COL4A2: variants seen among roughly 807,000 people sequenced by gnomAD.
COL4A2 encodes collagen type IV alpha 2 chain, also known as collagen alpha-2(IV) chain.
In COL4A2, 99 loss-of-function variants were observed where a neutral mutation model predicts 200.2. The ratio of observed to expected loss-of-function variants is 0.49; its 90% CI spans 0.42 to 0.58. The LOEUF (loss-of-function observed/expected upper bound fraction) is 0.58, where lower values mean the gene tolerates loss of function less well. COL4A2 is among the 20% of genes least tolerant of loss of function. COL4A2 has a pLI of 0.00. For synonymous variants in COL4A2, 897 were observed against 900.6 expected (o/e 1.00, Z 0.07); for missense variants, 1,950 against 2,314.1 (o/e 0.84, Z 3.23).
intron 3 of COL4A2, among the ~76,000 whole-genome samples, chr13:110,353,981 A>C (rs1877077932): frequency 6.6e-6 from 1 of 152,234 alleles, no homozygotes; most frequent in African/African-American, 2.4e-5. Flanking sequence ...TGCATCATTC[A>C]TTTTTGAGTG....
At position 110,465,482 on chromosome 13, in the gene COL4A2, G is replaced by T. The variant is rs1163375156; in HGVS notation, c.1854G>T (p.Met618Ile). 2 of 1,614,028 alleles carry T rather than the reference G, an allele frequency of 1.2e-6. No homozygotes were observed. Among genetic ancestry groups the T allele is most frequent in the Admixed American group, 3.3e-5 (2 of 60,018 alleles). The change falls in exon 25 of 48, where the codon ATG becomes ATT. Residue 618 changes from methionine to isoleucine, a missense_variant. Physicochemically the swap from Met to Ile is conservative, Grantham distance 10. This residue lies in a region of COL4A2 where 1,385 missense variants were observed against 1,720.5 expected (regional missense o/e 0.80). Coordinates refer to ENST00000360467, the MANE Select transcript of COL4A2 (RefSeq NM_001846.4). Reference sequence around the variant, plus strand: ...GAACGAAGGGTACTCCAGGAGAAATGGGCCCCCCAGGACTGGGCCTTCCCG... The same window carrying T: ...GAACGAAGGGTACTCCAGGAGAAATTGGCCCCCCAGGACTGGGCCTTCCCG... ...IPGTKGTPGEMGPPGLGLPGL... is the reference protein window; with the variant it reads ...IPGTKGTPGEIGPPGLGLPGL...
At chr13:110,431,067 C>G (rs1459729339) in intron 10 of COL4A2, among the ~76,000 whole-genome samples, 1 of 152,204 alleles carries the variant, frequency 6.6e-6, no homozygotes, top group Non-Finnish European at 1.5e-5. Context: ...CTAGAGGGCT[C>G]ATTGCAAGTA....
At chr13:110,471,724 C>T (rs1390546223) in intron 28 of COL4A2, among the ~76,000 whole-genome samples, 1 of 152,222 alleles carries the variant, frequency 6.6e-6, no homozygotes, top group African/African-American at 2.4e-5. Flanking sequence ...GCTTTACCGG[C>T]CCAGGAGGTC....
chr13:110,330,044 T>C (rs188977870), intron 3 of COL4A2, among the ~76,000 whole-genome samples: 1 of 152,340 alleles, frequency 6.6e-6, no homozygotes, highest in African/African-American at 2.4e-5. Context: ...TTTTGGTAAA[T>C]ACAAATTACT....
intron 20 of COL4A2, among the ~76,000 whole-genome samples, chr13:110,455,018 G>A (rs1371836609): frequency 6.6e-6 from 1 of 152,054 alleles, no homozygotes; most frequent in African/African-American, 2.4e-5. Context: ...CACCCATTCT[G>A]TACTGGCTCC....
intron 46 of COL4A2, 23 bp downstream of exon 46, chr13:110,506,629 C>T: frequency 1.3e-6 from 2 of 1,582,120 alleles, no homozygotes; most frequent in Non-Finnish European, 1.7e-6. Context: ...CACCCGGCCC[C>T]CGTTGCCTGC....
intron 20 of COL4A2, among the ~76,000 whole-genome samples, chr13:110,451,576 G>T (rs1218596369): frequency 6.6e-6 from 1 of 152,154 alleles, no homozygotes; most frequent in African/African-American, 2.4e-5. Flanking sequence ...GAGGGGAAAA[G>T]CCCCTTATAA....
intron 4 of COL4A2, among the ~76,000 whole-genome samples, chr13:110,369,442 CCAA>C (rs1877905892): frequency 6.6e-6 from 1 of 152,014 alleles, no homozygotes; most frequent in South Asian, 2.1e-4. Flanking sequence ...CAAAAAACTC[CCAA>C]ATCCAAAACA....
chr13:110,456,560 ACT>A (rs1440544034), intron 20 of COL4A2: 3 of 353,460 alleles, frequency 8.5e-6, no homozygotes, highest in Non-Finnish European at 1.7e-5. Flanking sequence ...AAATTTGCAG[ACT>A]CTTATATTTC....
rs547487656 is a variant in COL4A2 at position 110,390,585 on chromosome 13, G to A, written c.180+33033G>A. On this transcript the variant is annotated intron_variant, in intron 4 of 47. Coordinates refer to ENST00000360467, the MANE Select transcript of COL4A2 (RefSeq NM_001846.4). ...CCATGTTTTAAAACTTGTGTATTGG[G>A]AACTTCACTGAACTCAGCAGTAGTT... Among the ~76,000 whole-genome samples, 4 of 152,336 alleles carry A rather than the reference G, an allele frequency of 2.6e-5. No individual in the cohort carries two copies. In the South Asian group the frequency reaches 6.2e-4, roughly 24 times the overall value.
chr13:110,506,860 A>C (rs866013105), intron 46 of COL4A2, among the ~76,000 whole-genome samples: 1 of 152,078 alleles, frequency 6.6e-6, no homozygotes. Context: ...GCAGGCTCCC[A>C]TGTGACCCGT....
intron 38 of COL4A2, among the ~76,000 whole-genome samples, chr13:110,492,903 G>A (rs1445980300): frequency 6.6e-6 from 1 of 152,190 alleles, no homozygotes; most frequent in African/African-American, 2.4e-5. Context: ...CTTCCTATTT[G>A]TGGGGCTTTA....
In COL4A2 at chr13:110,450,324, G is replaced by T. The variant is rs775959840; in HGVS notation, c.1209G>T (p.Pro403=). 2 of 1,613,820 alleles carry T rather than the reference G, an allele frequency of 1.2e-6. No individual in the cohort carries two copies. The highest frequency in any genetic ancestry group is 1.7e-5 in the Admixed American group (1 of 60,022). The change falls in exon 20 of 48, where the codon CCG becomes CCT. Residue 403 remains proline, a synonymous_variant. Coordinates refer to ENST00000360467, the MANE Select transcript of COL4A2 (RefSeq NM_001846.4). ...IGDGDQRRGL[P]GEMGPKGFIG... ...TTTCAGATCAGAGGAGAGGCCTGCC[G>T]GGTGAGATGGGACCCAAGGGCTTCA...
At chr13:110,430,500 C>A in intron 9 of COL4A2, 45 bp from the exon 10 acceptor site, 1 of 1,614,118 alleles carries the variant, frequency 6.2e-7, no homozygotes, top group Non-Finnish European at 8.5e-7. Context: ...ACTCCAAGTA[C>A]CAGTTTACCT....
chr13:110,457,116 C>G (rs1881782805), intron 20 of COL4A2: 1 of 359,592 alleles, frequency 2.8e-6, no homozygotes, highest in South Asian at 1.8e-5. Context: ...TGCCGTGCAT[C>G]TGCGTGGGAC....
chr13:110,427,413 G>T (rs1008240538), intron 6 of COL4A2, among the ~76,000 whole-genome samples: 2 of 152,168 alleles, frequency 1.3e-5, no homozygotes, highest in Non-Finnish European at 2.9e-5. Context: ...GCCTCCCAAA[G>T]TGCTGGGATT....
chr13:110,450,195 C>T (rs1439364116), intron 19 of COL4A2, 110 bp from the exon 20 acceptor site: 53 of 863,480 alleles, frequency 6.1e-5, no homozygotes, highest in East Asian at 3.4e-4. Flanking sequence ...GAGTTATTGA[C>T]GGGGCCATGA....
chr13:110,424,256 A>T (rs374777834), intron 4 of COL4A2, among the ~76,000 whole-genome samples: 47 of 131,954 alleles, frequency 3.6e-4, no homozygotes, highest in African/African-American at 1.3e-3. Flanking sequence ...TATGTTTCAG[A>T]AGCTCTTTTT....
At chr13:110,408,473 G>A (rs1422444073) in intron 4 of COL4A2, among the ~76,000 whole-genome samples, 2 of 152,208 alleles carry the variant, frequency 1.3e-5, no homozygotes, top group Admixed American at 1.3e-4. Flanking sequence ...TGGCTTCACC[G>A]TCGGCTGGCC....
Sources: gnomAD v4.1 joint callset for allele counts (sites outside exome capture counted in the v4.1 genomes callset) on GRCh38, gnomAD v4.1.1 for gene constraint, gnomAD v4.1.1 regional missense constraint, MANE v1.5 for transcripts, NCBI Gene and HGNC (gene_info 2026-07-23, HGNC 2026-07-21) for gene names.